LINC00305: variants seen among roughly 807,000 people sequenced by gnomAD.
The protein encoded by LINC00305 is long independently transcribed non-coding RNA 305.
At chr18:64,142,432 G>T (rs1245682123) in intron 1 of LINC00305, among the ~76,000 whole-genome samples, 1 of 152,152 alleles carries the variant, frequency 6.6e-6, no homozygotes. Context: ...TTTACCAGAG[G>T]ATTGTGAGCC....
chr18:64,116,513 T>C (rs1160328514), intron 1 of LINC00305, among the ~76,000 whole-genome samples: 3 of 152,220 alleles, frequency 2.0e-5, no homozygotes, highest in Non-Finnish European at 4.4e-5. Flanking sequence ...ACATGCAGTT[T>C]TATTTGATGT....
At chr18:64,115,312 A>G (rs948043288) in intron 1 of LINC00305, among the ~76,000 whole-genome samples, 2 of 152,202 alleles carry the variant, frequency 1.3e-5, no homozygotes, top group Non-Finnish European at 2.9e-5. Flanking sequence ...TTAGGGCATG[A>G]ACACAGAGTT....
intron 1 of LINC00305, among the ~76,000 whole-genome samples, chr18:64,143,580 A>ATG (rs1568120087): frequency 1.1e-5 from 1 of 87,464 alleles, no homozygotes; most frequent in African/African-American, 6.0e-5. Context: ...ACATATGTAT[A>ATG]TGTACATATG....
chr18:64,131,897 A>AT (rs2051411557), intron 1 of LINC00305, among the ~76,000 whole-genome samples: 1 of 152,224 alleles, frequency 6.6e-6, no homozygotes, highest in Non-Finnish European at 1.5e-5. Flanking sequence ...ACATTCTTGC[A>AT]CTATTTGAAA....
At chr18:64,103,471 T>C (rs1161818096) in intron 1 of LINC00305, among the ~76,000 whole-genome samples, 2 of 152,246 alleles carry the variant, frequency 1.3e-5, no homozygotes, top group Admixed American at 1.3e-4. Context: ...GTTTTCTCGT[T>C]GTCTTCAGCA....
intron 1 of LINC00305, among the ~76,000 whole-genome samples, chr18:64,128,042 T>A (rs1480030441): frequency 1.3e-5 from 2 of 152,104 alleles, no homozygotes; most frequent in Non-Finnish European, 2.9e-5. Context: ...TTTTTTTCTT[T>A]TTTAAGGTTG....
chr18:64,099,624 A>G (rs1373034301), intron 1 of LINC00305, among the ~76,000 whole-genome samples: 1 of 152,158 alleles, frequency 6.6e-6, no homozygotes, highest in Non-Finnish European at 1.5e-5. Flanking sequence ...CTGTAGTAGG[A>G]TTTCACAGAG....
At chr18:64,121,047 A>G (rs1364701736) in intron 1 of LINC00305, among the ~76,000 whole-genome samples, 4 of 152,118 alleles carry the variant, frequency 2.6e-5, no homozygotes, top group Non-Finnish European at 4.4e-5. Context: ...AATATTCTCT[A>G]AGGCAATGAA....
chr18:64,084,319 A>G (rs1265506840), intron 3 of LINC00305, among the ~76,000 whole-genome samples: 2 of 152,164 alleles, frequency 1.3e-5, no homozygotes, highest in Non-Finnish European at 2.9e-5. Context: ...AGCTGTATGC[A>G]GTGAGTACAT....
chr18:64,143,769 TGC>T (rs2051482423), intron 1 of LINC00305, among the ~76,000 whole-genome samples: 1 of 150,448 alleles, frequency 6.6e-6, no homozygotes, highest in African/African-American at 2.4e-5. Context: ...ACACATATTA[TGC>T]GTACATGTAT....
chr18:64,143,392 GGT>G (rs766878528), intron 1 of LINC00305, among the ~76,000 whole-genome samples: 118 of 148,940 alleles, frequency 7.9e-4, no homozygotes, highest in African/African-American at 2.7e-3. Context: ...AAGCATTGAT[GGT>G]GTGTGTGTGT....
intron 1 of LINC00305, among the ~76,000 whole-genome samples, chr18:64,143,669 T>C (rs117933121): frequency 0.049 from 6,359 of 129,200 alleles, 571 homozygotes; most frequent in Non-Finnish European, 0.079. Flanking sequence ...ACGTATTATG[T>C]ATACATATGT....
intron 1 of LINC00305, among the ~76,000 whole-genome samples, chr18:64,141,544 G>A (rs778471917): frequency 1.3e-5 from 2 of 152,130 alleles, no homozygotes; most frequent in South Asian, 2.1e-4. Context: ...TCCATCATTC[G>A]CAGGCCCAGT....
At chr18:64,137,864 A>T (rs1289429938) in intron 1 of LINC00305, among the ~76,000 whole-genome samples, 3 of 152,088 alleles carry the variant, frequency 2.0e-5, no homozygotes, top group Non-Finnish European at 4.4e-5. Context: ...ACACACACAC[A>T]CACACAATAT....
intron 1 of LINC00305, among the ~76,000 whole-genome samples, chr18:64,146,949 A>G (rs978383401): frequency 3.9e-5 from 6 of 152,290 alleles, no homozygotes; most frequent in African/African-American, 1.4e-4. Flanking sequence ...TAGCAAGTCA[A>G]TTTGTATGTT....
chr18:64,129,867 A>T (rs946164449), intron 1 of LINC00305, among the ~76,000 whole-genome samples: 2 of 151,852 alleles, frequency 1.3e-5, no homozygotes, highest in Non-Finnish European at 2.9e-5. Flanking sequence ...AATTCAAAAC[A>T]CTCATTTCGC....
intron 3 of LINC00305, among the ~76,000 whole-genome samples, chr18:64,094,544 C>T (rs1318383268): frequency 6.6e-6 from 1 of 152,122 alleles, no homozygotes; most frequent in Non-Finnish European, 1.5e-5. Flanking sequence ...CCAGGCATCC[C>T]CCTAAGCAGT....
chr18:64,097,866 A>G (rs2051251250), exon 3 of LINC00305: 1 of 457,928 alleles, frequency 2.2e-6, no homozygotes, highest in Admixed American at 2.3e-5. Context: ...GTAGAATCTC[A>G]CTCTAACCAC....
chr18:64,122,205 T>G (rs1191514176), intron 1 of LINC00305, among the ~76,000 whole-genome samples: 5 of 152,174 alleles, frequency 3.3e-5, no homozygotes, highest in Non-Finnish European at 7.4e-5. Context: ...CATTTGTCTA[T>G]TTTTGTTTTT....
Sources: allele counts gnomAD v4.1 joint callset (sites outside exome capture counted in the v4.1 genomes callset), GRCh38; gene constraint gnomAD v4.1.1; transcripts MANE v1.5; gene names NCBI Gene and HGNC (gene_info 2026-07-23, HGNC 2026-07-21).